Variants in SCGB2B2 observed in about 807,000 individuals in gnomAD.
SCGB2B2 encodes the protein secretoglobin-like protein.
In SCGB2B2, 11 loss-of-function variants were observed where a neutral mutation model predicts 7.6. The ratio of observed to expected loss-of-function variants is 1.45; its 90% confidence interval spans 0.91 to 2.40. The LOEUF (loss-of-function observed/expected upper bound fraction) is 2.40, where lower values mean the gene tolerates loss of function less well. Among genes scored for constraint, SCGB2B2 ranks in the 30% most tolerant of loss-of-function variants. The pLI is 0.00. For synonymous variants in SCGB2B2, 50 were observed against 48.6 expected (o/e 1.03, Z -0.12); for missense variants, 104 against 115.4 (o/e 0.90, Z 0.45).
chr19:34,613,785 CTTT>C (rs2065997863), intron 1 of SCGB2B2, among the ~76,000 whole-genome samples: 2 of 152,252 alleles, frequency 1.3e-5, no homozygotes, highest in Non-Finnish European at 2.9e-5. Context: ...TGTAGTACTT[CTTT>C]GAGTATTTCT....
At chr19:34,621,623 C>T (rs978610549) in intron 1 of SCGB2B2, among the ~76,000 whole-genome samples, 2 of 151,894 alleles carry the variant, frequency 1.3e-5, no homozygotes, top group Non-Finnish European at 2.9e-5. Context: ...TTAAATATAT[C>T]TATAACTTGG....
chr19:34,610,893 T>G (rs1454681272), intron 1 of SCGB2B2, among the ~76,000 whole-genome samples: 1 of 151,882 alleles, frequency 6.6e-6, no homozygotes, highest in African/African-American at 2.4e-5. Context: ...TGAGAAGAAC[T>G]GGTATCAGTT....
intron 1 of SCGB2B2, among the ~76,000 whole-genome samples, chr19:34,664,370 A>G (rs987767211): frequency 2.0e-5 from 3 of 152,182 alleles, no homozygotes; most frequent in Admixed American, 6.5e-5. Context: ...AAGATGCTCA[A>G]GTTCCCAAAA....
intron 1 of SCGB2B2, among the ~76,000 whole-genome samples, chr19:34,599,177 A>T (rs2065545252): frequency 1.3e-5 from 2 of 152,208 alleles, no homozygotes. Context: ...GGCTTTCTAG[A>T]AGGGCCTGGA....
intron 1 of SCGB2B2, among the ~76,000 whole-genome samples, chr19:34,623,937 C>T (rs1436176331): frequency 6.6e-6 from 1 of 152,134 alleles, no homozygotes; most frequent in Non-Finnish European, 1.5e-5. Flanking sequence ...TTCCTCCTGA[C>T]TATTGAAAGT....
intron 1 of SCGB2B2, among the ~76,000 whole-genome samples, chr19:34,599,552 G>C (rs2065559931): frequency 6.6e-6 from 1 of 152,192 alleles, no homozygotes; most frequent in Admixed American, 6.5e-5. Flanking sequence ...GATCTCGTGA[G>C]ACTTATTCAC....
At position 34,603,795 on chromosome 19, in the gene SCGB2B2, C is replaced by CTTT. The variant is rs71165672; in HGVS notation, c.-2031-7204_-2031-7202dup. On this transcript the variant is annotated intron_variant, in intron 1 of 3. Coordinates refer to ENST00000601241, the MANE Select transcript of SCGB2B2 (RefSeq NM_001025591.4). ...TATCTTATTTTTTAATGTTTTATTA[C>CTTT]TTTTTTTTTTTTTTTTTAACAGATA... Among the ~76,000 whole-genome samples, 808 of 131,252 alleles carry CTTT rather than the reference C, an allele frequency of 6.2e-3. 19 individuals are homozygous for CTTT. The highest frequency in any genetic ancestry group is 0.025 in the East Asian group (109 of 4,286). The allele number at this position is 131,252 out of a possible 152,430, so 86.1% of individuals were successfully genotyped here.
At chr19:34,645,533 CAGACACAG>C (rs148641209) in intron 1 of SCGB2B2, 56 of 59,060 alleles carry the variant, frequency 9.5e-4, no homozygotes, top group Non-Finnish European at 1.2e-3. Context: ...CAGACACACA[CAGACACAG>C]ACACACACAC....
chr19:34,665,152 G>C (rs1193843025), intron 1 of SCGB2B2, among the ~76,000 whole-genome samples: 1 of 152,226 alleles, frequency 6.6e-6, no homozygotes, highest in Non-Finnish European at 1.5e-5. Flanking sequence ...GTGGCCATGA[G>C]AGTGCAGGCC....
chr19:34,635,325 G>T, intron 1 of SCGB2B2: 1 of 296,418 alleles, frequency 3.4e-6, no homozygotes. Flanking sequence ...GCTGCTATAG[G>T]CTTTCCCACA....
chr19:34,654,043 T>C (rs1167807879), intron 1 of SCGB2B2, among the ~76,000 whole-genome samples: 1 of 151,240 alleles, frequency 6.6e-6, no homozygotes, highest in South Asian at 2.1e-4. Context: ...GAAGATCACA[T>C]GATGTTGGTT....
intron 1 of SCGB2B2, among the ~76,000 whole-genome samples, chr19:34,644,370 T>TTTG (rs1184332997): frequency 0.021 from 3,216 of 150,888 alleles, 87 homozygotes; most frequent in African/African-American, 0.075. Flanking sequence ...TTGTTTTTTT[T>TTTG]TTTTTACTCT....
intron 1 of SCGB2B2, among the ~76,000 whole-genome samples, chr19:34,635,877 C>G (rs538812072): frequency 6.6e-6 from 1 of 152,236 alleles, no homozygotes; most frequent in Admixed American, 6.5e-5. Flanking sequence ...AGGCATTTCT[C>G]TCCACTGTGC....
chr19:34,613,506 T>A (rs370702100), intron 1 of SCGB2B2, among the ~76,000 whole-genome samples: 1 of 152,230 alleles, frequency 6.6e-6, no homozygotes, highest in Non-Finnish European at 1.5e-5. Flanking sequence ...ACAGTTTCTA[T>A]CTTTTAAGTG....
intron 1 of SCGB2B2, among the ~76,000 whole-genome samples, chr19:34,599,954 G>A (rs973760640): frequency 3.3e-5 from 5 of 152,076 alleles, no homozygotes; most frequent in Admixed American, 6.5e-5. Context: ...CTCACAATGC[G>A]CCCTCCAGTT....
chr19:34,661,294 T>C (rs1414940899), intron 1 of SCGB2B2, among the ~76,000 whole-genome samples: 2 of 151,666 alleles, frequency 1.3e-5, no homozygotes, highest in East Asian at 3.9e-4. Flanking sequence ...TAAATAAACG[T>C]GCAATGACAT....
intron 1 of SCGB2B2, among the ~76,000 whole-genome samples, chr19:34,664,474 A>G (rs2067554869): frequency 6.6e-6 from 1 of 152,134 alleles, no homozygotes; most frequent in African/African-American, 2.4e-5. Context: ...TGTCACAAGC[A>G]AGTAGGTGGC....
At chr19:34,661,109 T>A (rs915845945) in intron 1 of SCGB2B2, among the ~76,000 whole-genome samples, 2 of 116,082 alleles carry the variant, frequency 1.7e-5, no homozygotes, top group African/African-American at 6.7e-5. Context: ...GAATATCACA[T>A]GTCGGGGCCT....
chr19:34,667,959 C>A (rs2067682853), intron 1 of SCGB2B2, among the ~76,000 whole-genome samples: 1 of 152,246 alleles, frequency 6.6e-6, no homozygotes, highest in Non-Finnish European at 1.5e-5. Flanking sequence ...CAATCAGGGT[C>A]CAGTCAGGTG....
Sources: gnomAD v4.1 joint callset for allele counts (sites outside exome capture counted in the v4.1 genomes callset) on GRCh38, gnomAD v4.1.1 for gene constraint, MANE v1.5 for transcripts, NCBI Gene and HGNC (gene_info 2026-07-23, HGNC 2026-07-21) for gene names.